The following ACVR1B variants were observed in gnomAD, a reference collection of about 807,000 sequenced individuals.
ACVR1B encodes activin receptor type-1B.
A neutral mutation model predicts 55.6 loss-of-function variants in ACVR1B; 15 were observed. That is an observed-to-expected ratio of 0.27 (90% confidence interval 0.18 to 0.42). The LOEUF (loss-of-function observed/expected upper bound fraction) is 0.42. ACVR1B is among the 10% of genes least tolerant of loss of function. ACVR1B has a pLI of 1.00. For synonymous variants in ACVR1B, 247 were observed against 254.6 expected, an observed-to-expected ratio of 0.97 and a Z score of 0.28; for missense variants, 359 against 670.1, an observed-to-expected ratio of 0.54 and a Z score of 5.13.
At chr12:51,976,717 T>C (rs1941865803) in intron 3 of ACVR1B, 142 bp downstream of exon 3, 2 of 1,074,630 alleles carry the variant, frequency 1.9e-6, no homozygotes, top group East Asian at 4.7e-5. Flanking sequence ...TCCCCTTCTT[T>C]TGGAGTCTGA....
At chr12:51,979,430 G>T (rs1941935406) in intron 3 of ACVR1B, among the ~76,000 whole-genome samples, 1 of 139,896 alleles carries the variant, frequency 7.1e-6, no homozygotes. Context: ...TCATACCATT[G>T]CATTCCAGCC....
intron 7 of ACVR1B, among the ~76,000 whole-genome samples, chr12:51,991,464 T>C (rs1477243888): frequency 6.6e-6 from 1 of 152,236 alleles, no homozygotes; most frequent in East Asian, 1.9e-4. Flanking sequence ...TGCAGTGGCA[T>C]GATCTCTGCT....
chr12:51,969,632 A>G (rs970027467), intron 1 of ACVR1B, among the ~76,000 whole-genome samples: 1 of 152,228 alleles, frequency 6.6e-6, no homozygotes, highest in Non-Finnish European at 1.5e-5. Flanking sequence ...ATAAAGAGAA[A>G]GACTTGATCT....
rs1010768618 is a variant in ACVR1B, at chr12:51,957,091, T to A, written c.91+5257T>A. Among the ~76,000 whole-genome samples the A allele has an allele frequency of 5.3e-5, 8 of 152,134 alleles. No individual in the cohort carries two copies. In the South Asian group the frequency reaches 1.0e-3, roughly 20 times the overall value. ...TGTTTCATGTGTTTCTGTTTATTTT[T>A]ATTTTTAATTTTTATTTTTTTGAGA... On this transcript the variant is annotated intron_variant, in intron 1 of 8. Transcript: ENST00000257963.
intron 5 of ACVR1B, 29 bp from the exon 6 acceptor site, chr12:51,985,163 G>A: frequency 2.5e-6 from 4 of 1,590,982 alleles, no homozygotes; most frequent in East Asian, 2.2e-5. Flanking sequence ...TCATCTCTTT[G>A]TAAAGATCCC....
At position 51,991,867 on chromosome 12, in the gene ACVR1B, C is replaced by A. The variant is rs748761194; in HGVS notation, c.1266C>A (p.Val422=). ...AGATACTTTCTTTTCTCCCAGGAGTCCATGAAGAATATCAGCTGCCATATT... is the reference window on the plus strand; with the variant it reads ...AGATACTTTCTTTTCTCCCAGGAGTACATGAAGAATATCAGCTGCCATATT... ...EIARRCNSGG[V]HEEYQLPYYD... Residue 422 remains valine, a synonymous_variant, in exon 8 of 9, where the codon GTC becomes GTA. Transcript: ENST00000257963. The A allele has an allele frequency of 6.2e-7, 1 of 1,613,110 alleles. No individual in the cohort carries two copies. Among genetic ancestry groups the A allele is most frequent in the African/African-American group, 1.3e-5 (1 of 75,008 alleles).
At chr12:51,953,322 G>A (rs534105528) in intron 1 of ACVR1B, 2 of 985,196 alleles carry the variant, frequency 2.0e-6, no homozygotes, top group East Asian at 2.3e-4. Context: ...ATTATCTCCG[G>A]CTTTGATATT....
rs372886325 is a variant in ACVR1B, at chr12:51,967,604, C to A, written c.92-7661C>A. Among the ~76,000 whole-genome samples, 6 of 152,260 alleles carry A rather than the reference C, an allele frequency of 3.9e-5. No homozygotes were observed. The East Asian group carries it at 7.7e-4, about 20-fold the overall frequency. ...CAAAAATATTAAAGGTTGGGGGAAA[C>A]CTGCTAGAGAATCGGTGGCTGGTAC... On this transcript the variant is annotated intron_variant, in intron 1 of 8. Coordinates refer to ENST00000257963, the MANE Select transcript of ACVR1B (RefSeq NM_004302.5).
chr12:51,974,718 C>G (rs542070321), intron 1 of ACVR1B, among the ~76,000 whole-genome samples: 3 of 152,126 alleles, frequency 2.0e-5, no homozygotes, highest in African/African-American at 4.8e-5. Flanking sequence ...ACTTGGACTT[C>G]TAAAGGCAGG....
chr12:51,963,587 T>C (rs182358033), intron 1 of ACVR1B, among the ~76,000 whole-genome samples: 118 of 152,356 alleles, frequency 7.7e-4, no homozygotes, highest in African/African-American at 2.7e-3. Context: ...TCATGTAATA[T>C]AATGTTTTTG....
At chr12:51,973,194 C>CT (rs1366242404) in intron 1 of ACVR1B, among the ~76,000 whole-genome samples, 1 of 152,194 alleles carries the variant, frequency 6.6e-6, no homozygotes, top group African/African-American at 2.4e-5. Context: ...TTCAGTCCCT[C>CT]TAATTGGTGG....
At chr12:51,983,039 G>C (rs1402787175) in intron 4 of ACVR1B, among the ~76,000 whole-genome samples, 1 of 152,182 alleles carries the variant, frequency 6.6e-6, no homozygotes, top group East Asian at 1.9e-4. Flanking sequence ...GGCAGCTTGT[G>C]TGAGTAGGGA....
chr12:51,983,493 A>G (rs542583721), intron 4 of ACVR1B, among the ~76,000 whole-genome samples: 1 of 152,334 alleles, frequency 6.6e-6, no homozygotes, highest in East Asian at 1.9e-4. Context: ...GAAAAGAAAC[A>G]TTACAGATGA....
At chr12:51,991,836 T>G (rs1264971923) in intron 7 of ACVR1B, 27 bp from the exon 8 acceptor site, 26 of 1,606,700 alleles carry the variant, frequency 1.6e-5, no homozygotes, top group Admixed American at 3.4e-5. Flanking sequence ...TGTTGATAAC[T>G]CAGGTAGATA....
intron 1 of ACVR1B, among the ~76,000 whole-genome samples, chr12:51,958,660 G>GA (rs1431857117): frequency 1.3e-5 from 2 of 149,498 alleles, no homozygotes; most frequent in East Asian, 2.0e-4. Context: ...AAAAAAAAAA[G>GA]AAAAGAAAGA....
rs746205728 is a variant in ACVR1B, at chr12:51,976,427, T to C, written c.432T>C (p.Ile144=). 3 of 1,613,924 alleles carry C rather than the reference T, an allele frequency of 1.9e-6. No homozygotes were observed. The highest frequency in any genetic ancestry group is 1.1e-5 in the South Asian group (1 of 91,066). Residue 144 remains isoleucine, a synonymous_variant, in exon 3 of 9, where the codon ATT becomes ATC. Transcript: ENST00000257963. Reference sequence around the variant, plus strand: ...TCCTCCTGTTCCTCATCATCATCATTGTTTTCCTTGTCATTAACTATCATC... The same window carrying C: ...TCCTCCTGTTCCTCATCATCATCATCGTTTTCCTTGTCATTAACTATCATC... The part of the protein sequence containing the change: ...PVFLLFLIII[I]VFLVINYHQR...
At position 51,996,579 on chromosome 12, in the gene ACVR1B, A is replaced by G. The variant is rs1942301854; in HGVS notation, c.*2469A>G. 6.6e-6 allele frequency: 1 copy of G among 152,638 alleles called. No individual in the cohort carries two copies. Among genetic ancestry groups the G allele is most frequent in the Non-Finnish European group, 1.5e-5 (1 of 68,058 alleles). The allele number at this position is 152,638 out of a possible 1,614,324, so 9.5% of individuals were successfully genotyped here. A position where few individuals can be genotyped will look rare whatever the true frequency, so the allele number is the denominator to read the frequency against. Reference sequence around the variant, plus strand: ...AACTTAGACTCCTCTTCCCAGAGTCACAAGTAGCCTCTGGGATCTGCCAAC... The same window carrying G: ...AACTTAGACTCCTCTTCCCAGAGTCGCAAGTAGCCTCTGGGATCTGCCAAC... On this transcript the variant is annotated 3_prime_UTR_variant, in exon 9 of 9. Coordinates refer to ENST00000257963, the MANE Select transcript of ACVR1B (RefSeq NM_004302.5).
At chr12:51,993,959 C>G in intron 8 of ACVR1B, 26 bp from the exon 9 acceptor site, 1 of 1,612,884 alleles carries the variant, frequency 6.2e-7, no homozygotes, top group Non-Finnish European at 8.5e-7. Context: ...CATGACCGAG[C>G]TGATGGCTCC....
In ACVR1B at chr12:51,994,294, C is replaced by T; in HGVS notation, c.*184C>T. The T allele has an allele frequency of 2.7e-6, 2 of 731,790 alleles. No homozygotes were observed. The highest frequency in any genetic ancestry group is 3.7e-5 in the South Asian group (2 of 53,536). The allele number at this position is 731,790 out of a possible 1,614,324, so 45.3% of individuals were successfully genotyped here. On this transcript the variant is annotated 3_prime_UTR_variant, in exon 9 of 9. Transcript: ENST00000257963. The surrounding 1 kb of genome is among the most constrained non-coding windows in gnomAD (Gnocchi z 4.2). ...TCCCATGTTGGGTTTGAGACAGACACCTTTTCTATTTACCTCCTAATGGCA... is the reference window on the plus strand; with the variant it reads ...TCCCATGTTGGGTTTGAGACAGACATCTTTTCTATTTACCTCCTAATGGCA...
Sources: gnomAD v4.1 joint callset for allele counts (sites outside exome capture counted in the v4.1 genomes callset) on GRCh38, gnomAD v4.1.1 for gene constraint, Gnocchi (gnomAD v3.1) non-coding constraint, MANE v1.5 for transcripts, NCBI Gene and HGNC (gene_info 2026-07-23, HGNC 2026-07-21) for gene names.